CSMD1: variants seen among roughly 807,000 people sequenced by gnomAD.
The protein encoded by CSMD1 is CUB and Sushi multiple domains 1, also known as CUB and sushi domain-containing protein 1.
In CSMD1, 213 loss-of-function variants were observed where a neutral mutation model predicts 417.5. The ratio of observed to expected loss-of-function variants is 0.51; its 90% CI spans 0.46 to 0.57. The LOEUF is 0.57. Among genes scored for constraint, CSMD1 ranks in the 20% least tolerant of loss-of-function variants. The pLI is 0.00. For missense variants in CSMD1, 6,923 were observed against 4,529.7 expected (o/e 1.53, Z -15.17); for synonymous variants, 2,862 against 1,736.8 (o/e 1.65, Z -16.11).
chr8:4,045,573 G>C (rs1042603955), intron 3 of CSMD1, among the ~76,000 whole-genome samples: 2 of 152,174 alleles, frequency 1.3e-5, no homozygotes, highest in Non-Finnish European at 1.5e-5. Context: ...GATGTGCAAT[G>C]CTTTAGAATG....
chr8:4,135,167 T>C (rs1225360198), intron 3 of CSMD1, among the ~76,000 whole-genome samples: 1 of 152,134 alleles, frequency 6.6e-6, no homozygotes, highest in African/African-American at 2.4e-5. Context: ...CACTATAAAA[T>C]TTTCATTAGA....
chr8:4,921,273 T>C (rs987855001), intron 1 of CSMD1, among the ~76,000 whole-genome samples: 3 of 152,124 alleles, frequency 2.0e-5, no homozygotes, highest in African/African-American at 7.2e-5. Context: ...TGTCAGCCAA[T>C]CTGAGTGGGG....
chr8:3,054,692 C>T (rs192833659), intron 49 of CSMD1, among the ~76,000 whole-genome samples: 19 of 152,180 alleles, frequency 1.2e-4, no homozygotes, highest in South Asian at 4.2e-4. Context: ...TGTCCATGTG[C>T]GCACGTGTGT....
At position 4,808,082 on chromosome 8, in the gene CSMD1, T is replaced by G. The variant is rs539481857; in HGVS notation, c.86-170524A>C. Reference sequence around the variant, plus strand: ...TAATACTCGTGTGGGCTCAATGTCCTTATTAGCATGCTTACTTGCAATTAT... The same window carrying G: ...TAATACTCGTGTGGGCTCAATGTCCGTATTAGCATGCTTACTTGCAATTAT... On this transcript the variant is annotated intron_variant, in intron 1 of 69. Transcript: ENST00000635120. 3.3e-5 allele frequency among the ~76,000 whole-genome samples: 5 copies of G among 152,316 alleles called. No homozygotes were observed. In the East Asian group the frequency reaches 7.7e-4, roughly 24 times the overall value.
At chr8:4,000,573 G>C (rs115023766) in intron 4 of CSMD1, among the ~76,000 whole-genome samples, 277 of 152,248 alleles carry the variant, frequency 1.8e-3, no homozygotes, top group African/African-American at 6.4e-3. Flanking sequence ...CATACTCTAC[G>C]TTGTTTTTCT....
intron 5 of CSMD1, among the ~76,000 whole-genome samples, chr8:3,761,157 T>C (rs1248114492): frequency 1.3e-5 from 2 of 152,198 alleles, no homozygotes; most frequent in South Asian, 2.1e-4. Flanking sequence ...TTTATACAAC[T>C]GTTCCAAGTC....
Position 4,642,281 on chromosome 8 carries a change from T to C in CSMD1, c.86-4723A>G, listed in dbSNP as rs1043022525. On this transcript the variant is annotated intron_variant, in intron 1 of 69. Coordinates refer to ENST00000635120, the MANE Select transcript of CSMD1 (RefSeq NM_033225.6). ...TAAAGGCAGGGCTCACTGTGTCCTA[T>C]GACAATTTTCTACTTTGAAAGCCTG... 4.6e-5 allele frequency among the ~76,000 whole-genome samples: 7 copies of C among 152,208 alleles called. No homozygotes were observed. The East Asian group carries it at 7.7e-4, about 17-fold the overall frequency.
chr8:3,803,371 C>G (rs1162047681), intron 5 of CSMD1, among the ~76,000 whole-genome samples: 2 of 152,134 alleles, frequency 1.3e-5, no homozygotes, highest in Non-Finnish European at 2.9e-5. Flanking sequence ...GAATGGTAAG[C>G]TGATCACTGA....
At chr8:4,573,586 G>T (rs1466298084) in intron 2 of CSMD1, among the ~76,000 whole-genome samples, 2 of 152,132 alleles carry the variant, frequency 1.3e-5, no homozygotes, top group Admixed American at 6.5e-5. Context: ...CTCCCAGTCA[G>T]GAGGTATGGG....
intron 23 of CSMD1, among the ~76,000 whole-genome samples, chr8:3,315,505 AC>A (rs796949561): frequency 7.9e-5 from 12 of 151,446 alleles, no homozygotes; most frequent in African/African-American, 2.7e-4. Flanking sequence ...TTTTTAAGCT[AC>A]AGATGCTATT....
intron 1 of CSMD1, among the ~76,000 whole-genome samples, chr8:4,955,207 G>T (rs187195335): frequency 5.9e-5 from 9 of 152,094 alleles, no homozygotes; most frequent in African/African-American, 1.7e-4. Context: ...CTACCCATTC[G>T]TGTGCACAGA....
At chr8:4,903,168 A>G (rs984541354) in intron 1 of CSMD1, among the ~76,000 whole-genome samples, 7 of 152,132 alleles carry the variant, frequency 4.6e-5, no homozygotes, top group African/African-American at 1.7e-4. Flanking sequence ...TTGTAATGCA[A>G]TCTTCCCACA....
chr8:4,480,656 T>G (rs1322831592), intron 2 of CSMD1, among the ~76,000 whole-genome samples: 1 of 152,234 alleles, frequency 6.6e-6, no homozygotes, highest in African/African-American at 2.4e-5. Context: ...TAGGCTTGCA[T>G]TTACTAACTC....
At chr8:2,990,916 C>G (rs947192634) in intron 54 of CSMD1, among the ~76,000 whole-genome samples, 10 of 152,236 alleles carry the variant, frequency 6.6e-5, no homozygotes, top group African/African-American at 2.4e-4. Context: ...AAGCGCAGAA[C>G]TGCTCTGGTC....
intron 3 of CSMD1, among the ~76,000 whole-genome samples, chr8:4,040,970 G>C (rs1445395895): frequency 6.6e-6 from 1 of 150,508 alleles, no homozygotes; most frequent in Non-Finnish European, 1.5e-5. Flanking sequence ...CTTCACTAGT[G>C]AATCCTCACG....
At chr8:2,952,167 T>G (rs1388590224) in intron 65 of CSMD1, among the ~76,000 whole-genome samples, 1 of 152,236 alleles carries the variant, frequency 6.6e-6, no homozygotes, top group Non-Finnish European at 1.5e-5. Context: ...CTCTTTGTTT[T>G]CTGCCTTCTG....
intron 12 of CSMD1, among the ~76,000 whole-genome samples, chr8:3,436,292 C>G (rs1389658494): frequency 6.6e-6 from 1 of 152,156 alleles, no homozygotes; most frequent in Non-Finnish European, 1.5e-5. Flanking sequence ...CATCCCATAT[C>G]AGAGGTACAA....
intron 3 of CSMD1, among the ~76,000 whole-genome samples, chr8:4,042,944 A>G (rs746401436): frequency 2.0e-5 from 3 of 150,800 alleles, no homozygotes; most frequent in Non-Finnish European, 3.0e-5. Context: ...TGGCCAAGAG[A>G]GCAAAAACCC....
At chr8:3,479,571 C>T (rs550379971) in intron 11 of CSMD1, among the ~76,000 whole-genome samples, 44 of 152,342 alleles carry the variant, frequency 2.9e-4, no homozygotes, top group African/African-American at 6.5e-4. Flanking sequence ...TGAGCCACCG[C>T]GCCCAGCCTG....
Sources: gnomAD v4.1 joint callset for allele counts (sites outside exome capture counted in the v4.1 genomes callset) on GRCh38, gnomAD v4.1.1 for gene constraint, MANE v1.5 for transcripts, NCBI Gene and HGNC (gene_info 2026-07-23, HGNC 2026-07-21) for gene names.